The following PREX1 variants were observed in gnomAD, a reference collection of about 807,000 sequenced individuals.
The protein encoded by PREX1 is phosphatidylinositol 3,4,5-trisphosphate-dependent Rac exchanger 1 protein.
Under a neutral mutation model 198.3 loss-of-function variants are expected in PREX1, and 41 were observed. The observed-to-expected ratio is 0.21, with a 90% CI of 0.16 to 0.27. The LOEUF (loss-of-function observed/expected upper bound fraction) is 0.27. Ranked by LOEUF, PREX1 falls within the 10% of genes least tolerant of loss-of-function variation. The pLI, the probability that PREX1 is intolerant of heterozygous loss-of-function variation, is 1.00. For missense variants in PREX1, 1,620 were observed against 2,200.7 expected, an observed-to-expected ratio of 0.74 and a Z score of 5.28; for synonymous variants, 843 against 887.2, an observed-to-expected ratio of 0.95 and a Z score of 0.89.
chr20:48,677,883 G>A (rs567405422), intron 13 of PREX1, among the ~76,000 whole-genome samples: 1 of 151,976 alleles, frequency 6.6e-6, no homozygotes, highest in Admixed American at 6.6e-5. Flanking sequence ...CTACTCGGGA[G>A]GCTGATGCAG....
chr20:48,633,925 A>G (rs2089335907), intron 33 of PREX1, among the ~76,000 whole-genome samples: 1 of 152,230 alleles, frequency 6.6e-6, no homozygotes, highest in Non-Finnish European at 1.5e-5. Context: ...AGCCTGACAT[A>G]TACTATGTGC....
chr20:48,854,582 A>T, the PREX1 span, among the ~76,000 whole-genome samples: 1 of 152,272 alleles, frequency 6.6e-6, no homozygotes, highest in African/African-American at 2.4e-5. Context: ...AACTAAAAAA[A>T]ACCACATGTA....
chr20:48,719,219 G>T (rs1601095075), intron 5 of PREX1, among the ~76,000 whole-genome samples: 1 of 152,258 alleles, frequency 6.6e-6, no homozygotes, highest in East Asian at 1.9e-4. Context: ...AATCCAGGTT[G>T]GACCCCACAA....
intron 21 of PREX1, among the ~76,000 whole-genome samples, chr20:48,652,258 C>A (rs2089504738): frequency 6.8e-6 from 1 of 148,086 alleles, no homozygotes; most frequent in South Asian, 2.3e-4. Flanking sequence ...CATAGGGAGA[C>A]CTCATCTCTA....
intron 5 of PREX1, among the ~76,000 whole-genome samples, chr20:48,714,130 CTG>C (rs1194659500): frequency 2.0e-5 from 3 of 152,126 alleles, no homozygotes; most frequent in Non-Finnish European, 4.4e-5. Flanking sequence ...AACTATAAAA[CTG>C]TCAGAGAAAA....
intron 1 of PREX1, among the ~76,000 whole-genome samples, chr20:48,771,385 A>G (rs1008706208): frequency 1.3e-5 from 2 of 151,756 alleles, no homozygotes; most frequent in Non-Finnish European, 2.9e-5. Flanking sequence ...CTGCAATTCC[A>G]GGGGAATCAC....
chr20:48,773,266 C>CAAAA (rs55740822), intron 1 of PREX1, among the ~76,000 whole-genome samples: 1 of 65,874 alleles, frequency 1.5e-5, no homozygotes, highest in Non-Finnish European at 2.7e-5. Flanking sequence ...GACTTGGTCT[C>CAAAA]AAAAAAAAAA....
intron 10 of PREX1, among the ~76,000 whole-genome samples, chr20:48,686,885 G>A (rs958707907): frequency 4.6e-5 from 7 of 152,152 alleles, no homozygotes; most frequent in African/African-American, 1.7e-4. Context: ...CTAAGCCTCC[G>A]TGGCCTGCCC....
intron 1 of PREX1, among the ~76,000 whole-genome samples, chr20:48,776,783 C>T (rs954984895): frequency 6.6e-5 from 10 of 152,192 alleles, no homozygotes; most frequent in Non-Finnish European, 1.5e-4. Flanking sequence ...ATCAGAACAG[C>T]AGGCATTCAG....
chr20:48,665,408 TGGCCTGAATTCTAATCCTGACTCCAGAC>T (rs2122962319), intron 15 of PREX1, among the ~76,000 whole-genome samples: 1 of 127,808 alleles, frequency 7.8e-6, no homozygotes, highest in East Asian at 2.5e-4. Flanking sequence ...CCGCCCCAGA[TGGCCTGAATTCTAATCCTGACTCCAGAC>T]GGCCTGAGTT....
intron 3 of PREX1, among the ~76,000 whole-genome samples, chr20:48,739,258 A>C (rs2090070622): frequency 6.6e-6 from 1 of 152,154 alleles, no homozygotes; most frequent in Admixed American, 6.5e-5. Context: ...CCCCAAGATC[A>C]TCCCATTCCA....
chr20:48,793,072 G>T (rs527515094), intron 1 of PREX1, among the ~76,000 whole-genome samples: 1 of 152,260 alleles, frequency 6.6e-6, no homozygotes, highest in East Asian at 1.9e-4. Context: ...TGACATGGTG[G>T]TATGCGCCTG....
At chr20:48,629,354 A>C in intron 37 of PREX1, 95 bp downstream of exon 37, 1 of 1,482,024 alleles carries the variant, frequency 6.7e-7, no homozygotes, top group Non-Finnish European at 9.2e-7. Flanking sequence ...CAGGATTGGA[A>C]CCCAGCCTTC....
At position 48,691,857 on chromosome 20, in the gene PREX1, A is replaced by G. The variant is rs1009885571; in HGVS notation, c.1037-761T>C. On this transcript the variant is annotated intron_variant, in intron 8 of 39. Coordinates refer to ENST00000371941, the MANE Select transcript of PREX1 (RefSeq NM_020820.4). This position sits in a 1 kb window ranked among gnomAD's most constrained non-coding sequence, Gnocchi z 5.0. ...GATGAACCCCACTAACGTGGTGTTG[A>G]GTGAAAGCAGTTTGTTTAAAAAAAA... Among the ~76,000 whole-genome samples the G allele has an allele frequency of 1.3e-5, 2 of 152,314 alleles. No homozygotes were observed. The highest frequency in any genetic ancestry group is 1.3e-4 in the Admixed American group (2 of 15,302).
intron 33 of PREX1, among the ~76,000 whole-genome samples, chr20:48,634,176 A>G (rs1256755339): frequency 2.0e-5 from 2 of 97,638 alleles, no homozygotes; most frequent in African/African-American, 6.8e-5. Context: ...GGATGGATGC[A>G]TGGATGGATG....
At chr20:48,746,941 AACACACACACACACACACACAC>A (rs57506374) in intron 2 of PREX1, among the ~76,000 whole-genome samples, 10,314 of 117,702 alleles carry the variant, frequency 0.088, 762 homozygotes, top group Admixed American at 0.12. Flanking sequence ...CCAGTGCATG[AACACACACACACACACACACAC>A]ACACACACAC....
intron 2 of PREX1, among the ~76,000 whole-genome samples, chr20:48,745,707 C>A (rs1292918691): frequency 6.6e-6 from 1 of 152,262 alleles, no homozygotes; most frequent in African/African-American, 2.4e-5. Flanking sequence ...CCACATCAAT[C>A]TAAAAGTGTA....
intron 1 of PREX1, among the ~76,000 whole-genome samples, chr20:48,800,049 C>T (rs1030864590): frequency 2.6e-5 from 4 of 152,222 alleles, no homozygotes; most frequent in South Asian, 4.1e-4. Context: ...ACAGTCTCAG[C>T]TTCTCTCCTG....
At chr20:48,651,097 G>T in intron 22 of PREX1, 42 bp from the exon 23 acceptor site, 1 of 1,604,994 alleles carries the variant, frequency 6.2e-7, no homozygotes, top group Non-Finnish European at 8.5e-7. Flanking sequence ...CCTGTGTGCC[G>T]GGAAGATTTT....
Sources: allele counts gnomAD v4.1 joint callset (sites outside exome capture counted in the v4.1 genomes callset), GRCh38; gene constraint gnomAD v4.1.1; non-coding constraint Gnocchi (gnomAD v3.1); transcripts MANE v1.5; gene names NCBI Gene and HGNC (gene_info 2026-07-23, HGNC 2026-07-21).